The following ACTMAP variants were observed in gnomAD, a reference collection of about 807,000 sequenced individuals.
ACTMAP encodes the protein UPF0692 protein C19orf54.
At chr19:40,743,961 A>C in the ACTMAP span, 1 of 1,613,960 alleles carries the variant, frequency 6.2e-7, no homozygotes, top group Non-Finnish European at 8.5e-7. Context: ...CTCATGGTTG[A>C]AGTCCTCGTC....
chr19:40,746,199 GA>G, the ACTMAP span, among the ~76,000 whole-genome samples: 14 of 152,204 alleles, frequency 9.2e-5, no homozygotes, highest in African/African-American at 3.1e-4. Context: ...GGCCCTGAGG[GA>G]TTCATTCCTT....
chr19:40,744,788 T>TC, the ACTMAP span: 6,738 of 1,430,682 alleles, frequency 4.7e-3, 222 homozygotes, highest in African/African-American at 0.08. Context: ...CCCCCTCCCC[T>TC]CTCCCAGGCC....
chr19:40,743,760 C>G, the ACTMAP span: 1 of 998,682 alleles, frequency 1.0e-6, no homozygotes, highest in East Asian at 2.5e-5. Flanking sequence ...CTGGCAGACA[C>G]CTGGGGCCCA....
At chr19:40,750,063 G>C in the ACTMAP span, 1 of 392,406 alleles carries the variant, frequency 2.5e-6, no homozygotes, top group East Asian at 4.3e-5. Flanking sequence ...CTGTGGTACC[G>C]GTTGGGTTAC....
At chr19:40,748,220 T>A in the ACTMAP span, among the ~76,000 whole-genome samples, 1 of 152,006 alleles carries the variant, frequency 6.6e-6, no homozygotes, top group Non-Finnish European at 1.5e-5. Flanking sequence ...TCCCACCACT[T>A]TGGGAGGCTG....
the ACTMAP span, chr19:40,744,028 T>C: frequency 6.2e-7 from 1 of 1,614,022 alleles, no homozygotes; most frequent in Non-Finnish European, 8.5e-7. Context: ...ACCCACCCTT[T>C]GCCACCCCTG....
chr19:40,744,839 G>C, the ACTMAP span: 1 of 1,202,060 alleles, frequency 8.3e-7, no homozygotes, highest in Non-Finnish European at 1.1e-6. Flanking sequence ...AGAGCCCAGG[G>C]CTGGAGGGCT....
the ACTMAP span, chr19:40,744,566 C>G: frequency 6.2e-7 from 1 of 1,613,584 alleles, no homozygotes; most frequent in African/African-American, 1.3e-5. Flanking sequence ...CACCTGAGAA[C>G]ATCTCTCCCT....
chr19:40,747,942 T>C, the ACTMAP span, among the ~76,000 whole-genome samples: 3 of 152,128 alleles, frequency 2.0e-5, no homozygotes, highest in Non-Finnish European at 4.4e-5. Flanking sequence ...TTCTGCACTA[T>C]AGCTAAGGGG....
the ACTMAP span, chr19:40,744,928 C>T: frequency 1.5e-5 from 12 of 796,106 alleles, no homozygotes; most frequent in Non-Finnish European, 2.0e-5. Context: ...ATGGACCAGG[C>T]TCATTCGTTC....
At chr19:40,747,609 C>T in the ACTMAP span, among the ~76,000 whole-genome samples, 1 of 152,114 alleles carries the variant, frequency 6.6e-6, no homozygotes, top group Admixed American at 6.6e-5. Flanking sequence ...AATTCCAGCA[C>T]TTTGGGTGGT....
the ACTMAP span, chr19:40,749,877 A>G: frequency 3.6e-5 from 42 of 1,172,728 alleles, no homozygotes; most frequent in South Asian, 7.8e-4. Context: ...GAACGGTCTC[A>G]GGGATGGAGA....
At chr19:40,749,616 G>T in the ACTMAP span, 1 of 1,550,462 alleles carries the variant, frequency 6.4e-7, no homozygotes, top group Non-Finnish European at 8.7e-7. Context: ...CCCTGTGGCA[G>T]CGGGTGGAGG....
the ACTMAP span, chr19:40,744,308 C>T: frequency 2.0e-5 from 28 of 1,414,616 alleles, no homozygotes; most frequent in African/African-American, 4.0e-4. Flanking sequence ...CCCCTTGGTA[C>T]AAATGCAGAA....
chr19:40,743,724 T>G, the ACTMAP span, among the ~76,000 whole-genome samples: 2 of 152,214 alleles, frequency 1.3e-5, no homozygotes, highest in African/African-American at 4.8e-5. Context: ...ATCTGTGCTC[T>G]GAGCTTCTGT....
chr19:40,742,621 T>TG, the ACTMAP span: 2 of 1,612,748 alleles, frequency 1.2e-6, no homozygotes, highest in Non-Finnish European at 1.7e-6. Flanking sequence ...TTGCCCTGCT[T>TG]GGACAGCAGG....
At chr19:40,742,185 G>A in the ACTMAP span, 23 of 669,466 alleles carry the variant, frequency 3.4e-5, no homozygotes, top group South Asian at 4.5e-5. Context: ...TGACAGAGGC[G>A]GCCCCTAGTG....
the ACTMAP span, chr19:40,742,173 G>A: frequency 3.1e-6 from 2 of 654,228 alleles, no homozygotes; most frequent in East Asian, 6.1e-5. Context: ...TGTCTAGTGA[G>A]ATGACAGAGG....
chr19:40,744,979 C>A, the ACTMAP span: 1 of 961,608 alleles, frequency 1.0e-6, no homozygotes, highest in Non-Finnish European at 1.6e-6. Context: ...TGCAGGCACT[C>A]AGAAGCCTGA....
Sources: gnomAD v4.1 joint callset for allele counts (sites outside exome capture counted in the v4.1 genomes callset) on GRCh38, gnomAD v4.1.1 for gene constraint, MANE v1.5 for transcripts, NCBI Gene and HGNC (gene_info 2026-07-23, HGNC 2026-07-21) for gene names.